EMX1: variants seen among roughly 807,000 people sequenced by gnomAD.
The protein encoded by EMX1 is homeobox protein EMX1.
Under a neutral mutation model 20.1 loss-of-function variants are expected in EMX1, and 10 were observed. The ratio of observed to expected loss-of-function variants is 0.50; its 90% CI spans 0.31 to 0.84. EMX1 has a LOEUF of 0.84. EMX1 is among the 40% of genes least tolerant of loss of function. The pLI is 0.05. For missense variants in EMX1, 424 were observed against 431.9 expected (o/e 0.98, Z 0.16); for synonymous variants, 250 against 200.4 (o/e 1.25, Z -2.09).
chr2:72,918,506 C>A, intron 1 of EMX1, 134 bp downstream of exon 1: 1 of 1,225,730 alleles, frequency 8.2e-7, no homozygotes, highest in Non-Finnish European at 1.0e-6. Context: ...GAGGTAGATT[C>A]CCAGGCAGGG....
chr2:72,919,676 T>C (rs1671066524), intron 1 of EMX1, among the ~76,000 whole-genome samples: 1 of 152,248 alleles, frequency 6.6e-6, no homozygotes, highest in African/African-American at 2.4e-5. Flanking sequence ...GATGCTGACC[T>C]GGCAGATACC....
chr2:72,916,340 G>A, upstream of EMX1: 1 of 326,366 alleles, frequency 3.1e-6, no homozygotes, highest in South Asian at 3.1e-5. Flanking sequence ...CAGCGCTCAG[G>A]CCGCTAGAAT....
chr2:72,918,278 G>C lies in EMX1; in HGVS notation c.426G>C (p.Gln142His). 6.3e-7 allele frequency: 1 copy of C among 1,576,536 alleles called. No individual in the cohort carries two copies. Among genetic ancestry groups the C allele is most frequent in the Non-Finnish European group, 8.5e-7 (1 of 1,171,908 alleles). The change falls in exon 1 of 3, where the codon CAG becomes CAC. Residue 142 changes from glutamine (Q) to histidine (H), a missense_variant. Gln to His is a conservative substitution (Grantham distance 24, BLOSUM62 0). This residue lies in a region of EMX1 where 333 missense variants were observed against 296.6 expected (regional missense o/e 1.12). Transcript: ENST00000258106. ...ACCAGCTGGGCGCCTCCCCGCTGCA[G>C]CCCCCGCACTCCTTCTTCGGCGCCC... is the stretch of plus-strand genomic sequence containing the variant. ...PAHQLGASPL[Q>H]PPHSFFGAQH... is the part of the protein sequence containing the mutation.
Position 72,918,333 on chromosome 2 carries a change from TG to T in EMX1, c.484del (p.Val162SerfsTer75). 1 of 1,541,044 alleles carries T rather than the reference TG, an allele frequency of 6.5e-7. No homozygotes were observed. Among genetic ancestry groups the T allele is most frequent in the East Asian group, 2.6e-5 (1 of 39,092 alleles). ...QHRDPLHFYP[W>X]VLRNRFFGHR... ...CCGGGACCCTCTCCATTTCTACCCCTGGGTCCTGCGGAACCGCTTCTTCGGC... is the reference window on the plus strand; with the variant it reads ...CCGGGACCCTCTCCATTTCTACCCCTGGTCCTGCGGAACCGCTTCTTCGGC... On this transcript the variant is annotated frameshift_variant, in exon 1 of 3. Coordinates refer to ENST00000258106, the MANE Select transcript of EMX1 (RefSeq NM_004097.3). LOFTEE classifies it high-confidence loss of function.
chr2:72,922,983 G>A lies in EMX1; in HGVS notation c.521-1326G>A, dbSNP rs552177272. Among the ~76,000 whole-genome samples the A allele has an allele frequency of 3.9e-5, 6 of 152,308 alleles. No individual in the cohort carries two copies. In the South Asian group the frequency reaches 1.0e-3, roughly 26 times the overall value. ...TTCCGTGTTTTTGGTGCATCAGGAG[G>A]CTGTTATGTGCCCTTACATGAGAAT... On this transcript the variant is annotated intron_variant, in intron 1 of 2. Coordinates refer to ENST00000258106, the MANE Select transcript of EMX1 (RefSeq NM_004097.3).
chr2:72,932,762 C>G (rs1258927515), intron 2 of EMX1, among the ~76,000 whole-genome samples: 1 of 152,182 alleles, frequency 6.6e-6, no homozygotes, highest in African/African-American at 2.4e-5. Context: ...TGTTTGAACC[C>G]CACCCCATAC....
intron 2 of EMX1, chr2:72,925,438 G>A: frequency 7.8e-7 from 1 of 1,287,594 alleles, no homozygotes; most frequent in Non-Finnish European, 1.0e-6. Context: ...GGTCCACCCA[G>A]GTCCGACGTG....
At chr2:72,932,514 G>A (rs1441309156) in intron 2 of EMX1, among the ~76,000 whole-genome samples, 1 of 152,252 alleles carries the variant, frequency 6.6e-6, no homozygotes, top group Non-Finnish European at 1.5e-5. Flanking sequence ...GAACCACGGA[G>A]TCAGGGAGAG....
chr2:72,920,503 G>C (rs572953295), intron 1 of EMX1, among the ~76,000 whole-genome samples: 2 of 152,254 alleles, frequency 1.3e-5, no homozygotes, highest in South Asian at 4.1e-4. Flanking sequence ...GCGGCTCTAC[G>C]CCCTCCAGTC....
At chr2:72,916,452 C>T, upstream of EMX1, 1 of 575,956 alleles carries the variant, frequency 1.7e-6, no homozygotes, top group Non-Finnish European at 3.1e-6. Flanking sequence ...CCCGCGCCCT[C>T]CTAGGCCTCG....
At chr2:72,916,434 C>T (rs1380805340), upstream of EMX1, 6 of 552,162 alleles carry the variant, frequency 1.1e-5, no homozygotes, top group Non-Finnish European at 1.9e-5. Flanking sequence ...CCAGCCTCCC[C>T]ACCGCCGCCC....
At chr2:72,918,496 G>T in intron 1 of EMX1, 124 bp downstream of exon 1, 1 of 1,256,576 alleles carries the variant, frequency 8.0e-7, no homozygotes, top group Non-Finnish European at 1.0e-6. Flanking sequence ...CAGGTCCGCG[G>T]AGGTAGATTC....
intron 1 of EMX1, among the ~76,000 whole-genome samples, chr2:72,919,486 G>GC (rs1671063037): frequency 6.6e-6 from 1 of 152,198 alleles, no homozygotes; most frequent in South Asian, 2.1e-4. Context: ...CATGGCTGGA[G>GC]CTTCGGCTCC....
intron 2 of EMX1, 51 bp from the exon 3 acceptor site, chr2:72,933,736 C>A: frequency 6.2e-7 from 1 of 1,601,114 alleles, no homozygotes; most frequent in Non-Finnish European, 8.5e-7. Flanking sequence ...CCAGTGGCTG[C>A]TCTGGGGGCC....
intron 1 of EMX1, among the ~76,000 whole-genome samples, chr2:72,920,907 C>T (rs1671091205): frequency 6.6e-6 from 1 of 152,192 alleles, no homozygotes; most frequent in Non-Finnish European, 1.5e-5. Flanking sequence ...CTGTAGAGAC[C>T]CAGCCCCCCG....
chr2:72,927,580 G>A (rs1439706400), intron 2 of EMX1, among the ~76,000 whole-genome samples: 6 of 152,210 alleles, frequency 3.9e-5, no homozygotes, highest in East Asian at 1.9e-4. Flanking sequence ...AGCAGTATGC[G>A]TCTCTCAGGG....
rs1056652426 is a variant in EMX1 at position 72,934,129 on chromosome 2, C to G, written c.*175C>G. The G allele has an allele frequency of 7.4e-6, 7 of 944,166 alleles. No homozygotes were observed. The highest frequency in any genetic ancestry group is 1.1e-5 in the Non-Finnish European group (7 of 657,024). 58.5% of individuals were successfully genotyped at this position (944,166 alleles called of 1,614,324 possible). A position where few individuals can be genotyped will look rare whatever the true frequency, so the allele number is the denominator to read the frequency against. On this transcript the variant is annotated 3_prime_UTR_variant, in exon 3 of 3. Transcript: ENST00000258106. ...CATTGACAGAGGGACAAGCAATGGGCTGGCTGAGGCCTGGGACCACTTGGC... is the reference window on the plus strand; with the variant it reads ...CATTGACAGAGGGACAAGCAATGGGGTGGCTGAGGCCTGGGACCACTTGGC...
chr2:72,926,052 T>G, intron 2 of EMX1: 4 of 985,044 alleles, frequency 4.1e-6, no homozygotes, highest in Non-Finnish European at 4.8e-6. Context: ...GGTGTCAGTT[T>G]AAGAATGGTG....
At chr2:72,929,022 C>CA (rs1373524413) in intron 2 of EMX1, among the ~76,000 whole-genome samples, 1 of 152,108 alleles carries the variant, frequency 6.6e-6, no homozygotes, top group East Asian at 1.9e-4. Flanking sequence ...CCCTCAGAGG[C>CA]ATGGAAAGGA....
Sources: allele counts gnomAD v4.1 joint callset (sites outside exome capture counted in the v4.1 genomes callset), GRCh38; gene constraint gnomAD v4.1.1; regional missense constraint gnomAD v4.1.1; transcripts MANE v1.5; gene names NCBI Gene and HGNC (gene_info 2026-07-23, HGNC 2026-07-21).